The following TDRP variants were observed in gnomAD, a reference collection of about 807,000 sequenced individuals.
The protein encoded by TDRP is testis development related protein, also known as testis development-related protein.
In TDRP, 12 loss-of-function variants were observed where a neutral mutation model predicts 10.5. The observed-to-expected ratio is 1.15, with a 90% CI of 0.73 to 1.86. The LOEUF is 1.86. Ranked by LOEUF, TDRP falls within the 40% of genes most tolerant of loss-of-function variation. The pLI, the probability that TDRP is intolerant of heterozygous loss-of-function variation, is 0.00. For missense variants in TDRP, 353 were observed against 229.2 expected (o/e 1.54, Z -3.49); for synonymous variants, 139 against 95.4 (o/e 1.46, Z -2.67).
At chr8:503,264 C>G (rs1801356465) in intron 1 of TDRP, among the ~76,000 whole-genome samples, 1 of 140,446 alleles carries the variant, frequency 7.1e-6, no homozygotes, top group African/African-American at 2.7e-5. Context: ...AATCCAGAGC[C>G]ACACTAGGGC....
At chr8:529,194 C>A (rs1326626287) in intron 1 of TDRP, among the ~76,000 whole-genome samples, 2 of 152,136 alleles carry the variant, frequency 1.3e-5, no homozygotes, top group African/African-American at 4.8e-5. Context: ...CATAGACATA[C>A]CCCAGGATCA....
intron 1 of TDRP, among the ~76,000 whole-genome samples, chr8:533,951 C>G (rs912541452): frequency 6.6e-6 from 1 of 152,114 alleles, no homozygotes; most frequent in African/African-American, 2.4e-5. Flanking sequence ...TAAAAGTACA[C>G]TGTCATGTTT....
intron 1 of TDRP, among the ~76,000 whole-genome samples, chr8:525,065 G>A (rs1802001924): frequency 1.3e-5 from 2 of 152,170 alleles, no homozygotes; most frequent in African/African-American, 2.4e-5. Context: ...TCTAAAGTCG[G>A]CAAGAGAAAA....
intron 1 of TDRP, among the ~76,000 whole-genome samples, chr8:540,895 A>C (rs940743824): frequency 4.6e-5 from 7 of 152,090 alleles, no homozygotes; most frequent in Admixed American, 1.3e-4. Flanking sequence ...GCCTTTCTAG[A>C]ATCAAGCAGA....
chr8:535,990 G>C (rs1802340109), intron 1 of TDRP, among the ~76,000 whole-genome samples: 1 of 152,172 alleles, frequency 6.6e-6, no homozygotes, highest in Non-Finnish European at 1.5e-5. Flanking sequence ...AAGAATAGCA[G>C]CTTTTAGACA....
chr8:498,950 C>G lies in TDRP; in HGVS notation c.109-4353G>C, dbSNP rs375871991. On this transcript the variant is annotated intron_variant, in intron 1 of 2. Transcript: ENST00000324079. ...GCCTTGTTTTCCCTTCACCTCCTTA[C>G]GTAAGTTTCCTGAGGCCTCCCCAGC... 2.6e-5 allele frequency among the ~76,000 whole-genome samples: 4 copies of G among 152,080 alleles called. No homozygotes were observed. In the South Asian group the frequency reaches 6.2e-4, roughly 24 times the overall value.
chr8:531,270 T>A (rs577233280), intron 1 of TDRP, among the ~76,000 whole-genome samples: 2 of 152,166 alleles, frequency 1.3e-5, no homozygotes, highest in Non-Finnish European at 2.9e-5. Context: ...TCATACATCC[T>A]TTTGGACTGT....
At chr8:494,804 C>G (rs1476200729) in intron 1 of TDRP, among the ~76,000 whole-genome samples, 2 of 152,182 alleles carry the variant, frequency 1.3e-5, no homozygotes, top group Non-Finnish European at 2.9e-5. Flanking sequence ...AACAGCTTAA[C>G]AGCTTATCAG....
chr8:494,405 C>A (rs1801072518), intron 2 of TDRP, 89 bp downstream of exon 2: 2 of 1,310,478 alleles, frequency 1.5e-6, no homozygotes, highest in Non-Finnish European at 2.2e-6. Flanking sequence ...AGTTACACTG[C>A]ATTTATGCCA....
At chr8:520,433 C>G (rs1801873198) in intron 1 of TDRP, among the ~76,000 whole-genome samples, 1 of 152,178 alleles carries the variant, frequency 6.6e-6, no homozygotes, top group African/African-American at 2.4e-5. Context: ...TCTTTGAGAT[C>G]CTGTTTTCCT....
At chr8:520,589 G>A (rs566288031) in intron 1 of TDRP, among the ~76,000 whole-genome samples, 14 of 152,268 alleles carry the variant, frequency 9.2e-5, no homozygotes, top group South Asian at 4.2e-4. Context: ...CAATCTCCCC[G>A]CATCCTTGGT....
intron 1 of TDRP, among the ~76,000 whole-genome samples, chr8:526,210 C>T (rs1247306979): frequency 6.6e-6 from 1 of 152,088 alleles, no homozygotes; most frequent in Admixed American, 6.6e-5. Flanking sequence ...GTTGGCCAGG[C>T]TGGTCTTGAA....
At chr8:517,632 C>A (rs1198228531) in intron 1 of TDRP, among the ~76,000 whole-genome samples, 1 of 152,188 alleles carries the variant, frequency 6.6e-6, no homozygotes, top group Non-Finnish European at 1.5e-5. Context: ...CCAGGCCAAA[C>A]CAATATATAC....
chr8:535,345 C>A (rs978371184), intron 1 of TDRP, among the ~76,000 whole-genome samples: 13 of 152,100 alleles, frequency 8.5e-5, no homozygotes, highest in African/African-American at 2.9e-4. Context: ...GCAACCCCCA[C>A]AGAACTCCCA....
intron 1 of TDRP, among the ~76,000 whole-genome samples, chr8:530,851 C>A (rs1714131816): frequency 6.6e-6 from 1 of 152,190 alleles, no homozygotes; most frequent in Non-Finnish European, 1.5e-5. Flanking sequence ...CCCATTCCTG[C>A]CCAAGGGATA....
chr8:540,736 T>A (rs1452636801), intron 1 of TDRP, among the ~76,000 whole-genome samples: 3 of 146,834 alleles, frequency 2.0e-5, no homozygotes, highest in Non-Finnish European at 4.5e-5. Flanking sequence ...AAGTGTCCCA[T>A]AAATCTAAGT....
chr8:542,053 A>G (rs1336502071), intron 1 of TDRP, among the ~76,000 whole-genome samples: 6 of 152,196 alleles, frequency 3.9e-5, no homozygotes, highest in African/African-American at 1.4e-4. Context: ...ACTGTGGTAC[A>G]CCCAAACAGT....
At chr8:534,304 T>C (rs935557) in intron 1 of TDRP, among the ~76,000 whole-genome samples, 86,101 of 152,086 alleles carry the variant, frequency 0.57, 25,324 homozygotes, top group Admixed American at 0.66. Flanking sequence ...AATTAGCAAA[T>C]ACTAAATTAT....
At chr8:527,555 G>C (rs1178496905) in intron 1 of TDRP, among the ~76,000 whole-genome samples, 1 of 152,048 alleles carries the variant, frequency 6.6e-6, no homozygotes, top group African/African-American at 2.4e-5. Context: ...GGCACAAAAA[G>C]ACACATAGGC....
Sources: gnomAD v4.1 joint callset for allele counts (sites outside exome capture counted in the v4.1 genomes callset) on GRCh38, gnomAD v4.1.1 for gene constraint, MANE v1.5 for transcripts, NCBI Gene and HGNC (gene_info 2026-07-23, HGNC 2026-07-21) for gene names.